L3MBTL4: variants seen among roughly 807,000 people sequenced by gnomAD.
The protein encoded by L3MBTL4 is lethal(3)malignant brain tumor-like protein 4.
A neutral mutation model predicts 84.5 loss-of-function variants in L3MBTL4; 70 were observed. The observed-to-expected ratio is 0.83, with a 90% CI of 0.68 to 1.01. The LOEUF (loss-of-function observed/expected upper bound fraction) is 1.01. Ranked by LOEUF, L3MBTL4 falls within the 50% of genes least tolerant of loss-of-function variation. The pLI, the probability that L3MBTL4 is intolerant of heterozygous loss-of-function variation, is 0.00. For synonymous variants in L3MBTL4, 274 were observed against 259.8 expected (o/e 1.05, Z -0.52); for missense variants, 715 against 754.8 (o/e 0.95, Z 0.62).
At chr18:6,285,395 A>G (rs1414008960) in intron 4 of L3MBTL4, among the ~76,000 whole-genome samples, 1 of 152,212 alleles carries the variant, frequency 6.6e-6, no homozygotes, top group African/African-American at 2.4e-5. Flanking sequence ...GTGGGATGGG[A>G]CTGGAATTGG....
At chr18:6,139,576 AC>A (rs2060134078) in intron 13 of L3MBTL4, among the ~76,000 whole-genome samples, 1 of 151,410 alleles carries the variant, frequency 6.6e-6, no homozygotes, top group African/African-American at 2.4e-5. Context: ...CCCATCCCAT[AC>A]CTCCTGCTGT....
intron 1 of L3MBTL4, among the ~76,000 whole-genome samples, chr18:6,411,890 A>G (rs1227008715): frequency 2.0e-5 from 3 of 152,228 alleles, no homozygotes; most frequent in African/African-American, 7.2e-5. Context: ...TTCACAACGC[A>G]AAATCATTTT....
intron 14 of L3MBTL4, among the ~76,000 whole-genome samples, chr18:6,128,771 C>G (rs2059781849): frequency 6.6e-6 from 1 of 151,988 alleles, no homozygotes; most frequent in Non-Finnish European, 1.5e-5. Flanking sequence ...GGAATAGAAG[C>G]TCCAAGGAAA....
At chr18:6,242,727 T>C (rs2047504366) in intron 7 of L3MBTL4, among the ~76,000 whole-genome samples, 1 of 152,214 alleles carries the variant, frequency 6.6e-6, no homozygotes, top group Non-Finnish European at 1.5e-5. Flanking sequence ...GTCAGCATCA[T>C]CCTTGACCAC....
chr18:6,354,544 A>G (rs2053347963), intron 1 of L3MBTL4, among the ~76,000 whole-genome samples: 1 of 152,186 alleles, frequency 6.6e-6, no homozygotes, highest in Non-Finnish European at 1.5e-5. Flanking sequence ...ACAAGGAACT[A>G]ATAACCAGAA....
At chr18:6,137,790 A>T (rs2060070071) in intron 14 of L3MBTL4, among the ~76,000 whole-genome samples, 1 of 152,268 alleles carries the variant, frequency 6.6e-6, no homozygotes, top group South Asian at 2.1e-4. Context: ...CTTTTATAGA[A>T]TTAACTCCAA....
intron 16 of L3MBTL4, among the ~76,000 whole-genome samples, chr18:6,071,753 GA>G (rs2057632506): frequency 4.9e-5 from 3 of 61,778 alleles, no homozygotes; most frequent in African/African-American, 9.2e-5. Context: ...AGGAAAGAAA[GA>G]AAGAAAAAAA....
intron 5 of L3MBTL4, 70 bp downstream of exon 5, chr18:6,263,867 ATCTAGGAAAG>A (rs1399848893): frequency 1.1e-6 from 1 of 938,038 alleles, no homozygotes; most frequent in Non-Finnish European, 1.8e-6. Flanking sequence ...TTGATGGGCT[ATCTAGGAAAG>A]TCATTTCATT....
At chr18:6,359,981 A>T (rs959613823) in intron 1 of L3MBTL4, among the ~76,000 whole-genome samples, 2 of 152,194 alleles carry the variant, frequency 1.3e-5, no homozygotes, top group South Asian at 4.1e-4. Context: ...GAAGCACCAC[A>T]TGACATACTA....
intron 10 of L3MBTL4, among the ~76,000 whole-genome samples, chr18:6,226,947 AAT>A (rs1335414805): frequency 1.3e-5 from 2 of 152,170 alleles, no homozygotes; most frequent in African/African-American, 4.8e-5. Flanking sequence ...TAAATATACA[AAT>A]AGGTAAATTG....
intron 13 of L3MBTL4, among the ~76,000 whole-genome samples, chr18:6,158,375 G>A (rs2043184938): frequency 6.6e-6 from 1 of 152,206 alleles, no homozygotes; most frequent in African/African-American, 2.4e-5. Context: ...TCTAAAGGGT[G>A]AGAAAGAGCC....
chr18:6,156,437 G>GCAACTGCTCAAT (rs1568216821), intron 13 of L3MBTL4, among the ~76,000 whole-genome samples: 1 of 152,154 alleles, frequency 6.6e-6, no homozygotes, highest in African/African-American at 2.4e-5. Flanking sequence ...ACAGTCAGTT[G>GCAACTGCTCAAT]ATTGCTCAAC....
chr18:6,415,000 C>T (rs978830061), upstream of L3MBTL4: 5 of 152,046 alleles, frequency 3.3e-5, no homozygotes, highest in Admixed American at 2.6e-4. The surrounding 1 kb of genome is among the most constrained non-coding windows in gnomAD (Gnocchi z 5.4). Context: ...GCCGCACCTG[C>T]CTCGCTCAGT....
intron 16 of L3MBTL4, among the ~76,000 whole-genome samples, chr18:6,063,825 T>C (rs1036292026): frequency 6.6e-6 from 1 of 152,150 alleles, no homozygotes; most frequent in African/African-American, 2.4e-5. Flanking sequence ...ACTCTGCTGA[T>C]TATTTCTTTT....
intron 16 of L3MBTL4, among the ~76,000 whole-genome samples, chr18:5,977,174 C>T (rs1223391550): frequency 6.6e-6 from 1 of 152,230 alleles, no homozygotes; most frequent in East Asian, 1.9e-4. Flanking sequence ...CTGCTCCACA[C>T]AGTGGCATCT....
intron 16 of L3MBTL4, among the ~76,000 whole-genome samples, chr18:6,036,986 G>A (rs546322): frequency 0.039 from 5,925 of 152,240 alleles, 376 homozygotes; most frequent in African/African-American, 0.14. Context: ...ATGACGGGAA[G>A]GGGGTAAAAA....
At chr18:6,208,492 C>T (rs1020643231) in intron 12 of L3MBTL4, among the ~76,000 whole-genome samples, 7 of 152,188 alleles carry the variant, frequency 4.6e-5, no homozygotes, top group African/African-American at 1.7e-4. Flanking sequence ...CTTATTAAAG[C>T]ATCTATTTGA....
chr18:6,166,062 C>T (rs539219310), intron 13 of L3MBTL4, among the ~76,000 whole-genome samples: 1 of 152,218 alleles, frequency 6.6e-6, no homozygotes, highest in South Asian at 2.1e-4. Context: ...TTCAAACCAA[C>T]AAAGATCAAG....
chr18:6,333,573 C>CAAAA (rs34185426), intron 1 of L3MBTL4, among the ~76,000 whole-genome samples: 2 of 65,834 alleles, frequency 3.0e-5, no homozygotes, highest in African/African-American at 5.7e-5. Flanking sequence ...GACTCCATCT[C>CAAAA]AAAAAAAAAA....
Sources: allele counts gnomAD v4.1 joint callset (sites outside exome capture counted in the v4.1 genomes callset), GRCh38; gene constraint gnomAD v4.1.1; non-coding constraint Gnocchi (gnomAD v3.1); transcripts MANE v1.5; gene names NCBI Gene and HGNC (gene_info 2026-07-23, HGNC 2026-07-21).